TGM5: variants seen among roughly 807,000 people sequenced by gnomAD.
TGM5 encodes the protein transglutaminase 5.
Under a neutral mutation model 77.2 loss-of-function variants are expected in TGM5, and 69 were observed. The ratio of observed to expected loss-of-function variants is 0.89; its 90% CI spans 0.74 to 1.09. TGM5 has a LOEUF of 1.09. Ranked by LOEUF, TGM5 falls within the 50% of genes least tolerant of loss-of-function variation. The pLI is 0.00. For synonymous variants in TGM5, 346 were observed against 351.8 expected, an observed-to-expected ratio of 0.98 and a Z score of 0.18; for missense variants, 842 against 896.5, an observed-to-expected ratio of 0.94 and a Z score of 0.78.
chr15:43,256,495 G>T, intron 4 of TGM5, 73 bp downstream of exon 4: 1 of 1,153,680 alleles, frequency 8.7e-7, no homozygotes. Context: ...TCTAGGTGAA[G>T]CTCACATGTG....
rs535369014 is a variant in TGM5 at position 43,234,606 on chromosome 15, T to A, written c.1875+163A>T. Reference sequence around the variant, plus strand: ...GCCTCTAGTGAGTGGTGCAAGAGGATGAAGATCTCTCAGACAAACTTCTCC... The same window carrying A: ...GCCTCTAGTGAGTGGTGCAAGAGGAAGAAGATCTCTCAGACAAACTTCTCC... On this transcript the variant is annotated intron_variant, in intron 11 of 12. Transcript: ENST00000220420. Among the ~76,000 whole-genome samples, 7 of 152,218 alleles carry A rather than the reference T, an allele frequency of 4.6e-5. No individual in the cohort carries two copies. The East Asian group carries it at 1.4e-3, about 29-fold the overall frequency.
chr15:43,245,296 T>C (rs2142365733), intron 6 of TGM5, among the ~76,000 whole-genome samples: 1 of 152,246 alleles, frequency 6.6e-6, no homozygotes, highest in East Asian at 1.9e-4. Context: ...TCAAAGTAAT[T>C]GAGTATAAAT....
At chr15:43,239,118 G>A (rs761365962) in intron 8 of TGM5, 45 bp downstream of exon 8, 2 of 1,614,120 alleles carry the variant, frequency 1.2e-6, no homozygotes, top group Non-Finnish European at 1.7e-6. Context: ...GGGGTGGGGT[G>A]CTTTCCACGG....
chr15:43,262,667 C>T (rs1292116496), intron 1 of TGM5, among the ~76,000 whole-genome samples: 4 of 152,168 alleles, frequency 2.6e-5, no homozygotes, highest in Non-Finnish European at 5.9e-5. Context: ...CCCCTGTAAT[C>T]CCAGCTACTC....
In TGM5 at chr15:43,256,731, C is replaced by T. The variant is rs770007229; in HGVS notation, c.437-45G>A. 9.0e-6 allele frequency: 12 copies of T among 1,326,094 alleles called. No homozygotes were observed. In the South Asian group the frequency reaches 1.4e-4, roughly 16 times the overall value. The allele number at this position is 1,326,094 out of a possible 1,614,324, so 82.1% of individuals were successfully genotyped here. A position where few individuals can be genotyped will look rare whatever the true frequency, so the allele number is the denominator to read the frequency against. On this transcript the variant is annotated intron_variant, in intron 3 of 12. Coordinates refer to ENST00000220420, the MANE Select transcript of TGM5 (RefSeq NM_201631.4). ...GGCACGAAGCAGAAAAGTCACCTTT[C>T]CCTTACTGCCCCATTCTCATCCCCA...
At position 43,253,533 on chromosome 15, in the gene TGM5, G is replaced by T; in HGVS notation, c.657C>A (p.Val219=). ...ATDCALRGSP[V]YVSRVVCAMI... The stretch of plus-strand genomic sequence containing the variant: ...TGGCACACACCACTCTGCTGACGTA[G>T]ACGGGGCTTCCCCGCAGAGCACAGT... The change falls in exon 5 of 13, where the codon GTC becomes GTA. Residue 219 remains valine (V), a synonymous_variant. Coordinates refer to ENST00000220420, the MANE Select transcript of TGM5 (RefSeq NM_201631.4). The T allele has an allele frequency of 6.2e-7, 1 of 1,613,332 alleles. No homozygotes were observed. Among genetic ancestry groups the T allele is most frequent in the Non-Finnish European group, 8.5e-7 (1 of 1,180,036 alleles).
intron 9 of TGM5, among the ~76,000 whole-genome samples, chr15:43,237,340 T>A (rs1455814521): frequency 6.6e-6 from 1 of 152,100 alleles, no homozygotes; most frequent in Non-Finnish European, 1.5e-5. Flanking sequence ...TGCTAAAGAA[T>A]TTACATCCCC....
In TGM5 at chr15:43,246,022, TTG is replaced by T. The variant is rs574095322; in HGVS notation, c.863-5034_863-5033del. 2.5e-4 allele frequency among the ~76,000 whole-genome samples: 38 copies of T among 152,070 alleles called. No homozygotes were observed. In the South Asian group the frequency reaches 7.9e-3, roughly 32 times the overall value. The stretch of plus-strand genomic sequence containing the variant: ...GAGAAAAGACAAAAATTTCAGCTGC[TTG>T]TGTGGGGATGGACAATCAGAAGACT... On this transcript the variant is annotated intron_variant, in intron 6 of 12. Transcript: ENST00000220420.
chr15:43,262,783 G>C (rs2042799345), intron 1 of TGM5, among the ~76,000 whole-genome samples: 1 of 152,186 alleles, frequency 6.6e-6, no homozygotes, highest in African/African-American at 2.4e-5. Context: ...ATACTTAATA[G>C]TAAAAGATTG....
chr15:43,237,446 A>G (rs1389423437), intron 9 of TGM5, among the ~76,000 whole-genome samples: 2 of 152,226 alleles, frequency 1.3e-5, no homozygotes, highest in Non-Finnish European at 2.9e-5. Flanking sequence ...GTATTGTTCT[A>G]CACTTCACAC....
intron 6 of TGM5, among the ~76,000 whole-genome samples, chr15:43,247,412 C>A (rs2042676207): frequency 6.6e-6 from 1 of 151,962 alleles, no homozygotes; most frequent in Non-Finnish European, 1.5e-5. Flanking sequence ...GACGAATCAT[C>A]CATACTCCAA....
chr15:43,238,782 C>G (rs755711165), intron 9 of TGM5, 35 bp downstream of exon 9: 1 of 1,611,444 alleles, frequency 6.2e-7, no homozygotes, highest in Non-Finnish European at 8.5e-7. Context: ...TCCTGCAGGG[C>G]TGGGGCTCTG....
At position 43,233,096 on chromosome 15, in the gene TGM5, G is replaced by T; in HGVS notation, c.*95C>A. 6.7e-7 allele frequency: 1 copy of T among 1,484,388 alleles called. No homozygotes were observed. The highest frequency in any genetic ancestry group is 9.3e-7 in the Non-Finnish European group (1 of 1,079,992). The allele number at this position is 1,484,388 out of a possible 1,614,324, so 92.0% of individuals were successfully genotyped here. ...GTGGCTCTTGCTGGAGCCCTGTGAA[G>T]CCTCTGTTGTGGTGGGGAATGGCGC... is the stretch of plus-strand genomic sequence containing the variant. On this transcript the variant is annotated 3_prime_UTR_variant, in exon 13 of 13. Coordinates refer to ENST00000220420, the MANE Select transcript of TGM5 (RefSeq NM_201631.4).
chr15:43,256,534 G>A, intron 4 of TGM5, 34 bp downstream of exon 4: 1 of 1,544,368 alleles, frequency 6.5e-7, no homozygotes, highest in Non-Finnish European at 9.0e-7. Context: ...CAAGCTCGGG[G>A]CCGGGATGGG....
chr15:43,253,106 C>T lies in TGM5; in HGVS notation c.685-170G>A, dbSNP rs190524554. On this transcript the variant is annotated intron_variant, in intron 5 of 12. Coordinates refer to ENST00000220420, the MANE Select transcript of TGM5 (RefSeq NM_201631.4). ...GGAGGGCTAAGGATGGGGGTTGACT[C>T]TTCTGACTTCTGCTCCACTGTGAAT... Among the ~76,000 whole-genome samples, 1,003 of 152,254 alleles carry T rather than the reference C, an allele frequency of 6.6e-3. 5 individuals are homozygous for T. The highest frequency in any genetic ancestry group is 0.01 in the Admixed American group (154 of 15,300).
At chr15:43,234,123 CAT>C (rs2042569579) in intron 11 of TGM5, among the ~76,000 whole-genome samples, 1 of 152,334 alleles carries the variant, frequency 6.6e-6, no homozygotes, top group East Asian at 1.9e-4. Flanking sequence ...TCTCTAAAAA[CAT>C]ATTGCTTCTT....
chr15:43,260,306 G>C lies in TGM5; in HGVS notation c.191-9C>G, dbSNP rs758708822. On this transcript the variant is annotated splice_polypyrimidine_tract_variant and intron_variant, in intron 2 of 12. Transcript: ENST00000220420. Reference sequence around the variant, plus strand: ...CAGGTCTGGCAGCGGTCCTAGGAGGGAAGTAGAGCTGAGGCCCTCCATGGC... The same window carrying C: ...CAGGTCTGGCAGCGGTCCTAGGAGGCAAGTAGAGCTGAGGCCCTCCATGGC... 1.9e-6 allele frequency: 3 copies of C among 1,614,008 alleles called. No individual in the cohort carries two copies. The highest frequency in any genetic ancestry group is 1.7e-5 in the Admixed American group (1 of 60,002).
At chr15:43,258,899 G>C (rs1376175770) in intron 3 of TGM5, among the ~76,000 whole-genome samples, 1 of 152,182 alleles carries the variant, frequency 6.6e-6, no homozygotes, top group Non-Finnish European at 1.5e-5. Context: ...AGGGAAAACA[G>C]TCGACTGGCC....
chr15:43,242,782 G>A (rs925044886), intron 6 of TGM5, among the ~76,000 whole-genome samples: 2 of 152,228 alleles, frequency 1.3e-5, no homozygotes. Context: ...TGGGTTGTAG[G>A]TGGAGGTGAC....
Sources: allele counts gnomAD v4.1 joint callset (sites outside exome capture counted in the v4.1 genomes callset), GRCh38; gene constraint gnomAD v4.1.1; transcripts MANE v1.5; gene names NCBI Gene and HGNC (gene_info 2026-07-23, HGNC 2026-07-21).